The following PDXDC1 variants were observed in gnomAD, a reference collection of about 807,000 sequenced individuals.
PDXDC1 encodes the protein pyridoxal-dependent decarboxylase domain-containing protein 1.
A neutral mutation model predicts 100.1 loss-of-function variants in PDXDC1; 42 were observed. The observed-to-expected ratio is 0.42, with a 90% CI of 0.33 to 0.54. The LOEUF (loss-of-function observed/expected upper bound fraction) is 0.54. PDXDC1 is among the 20% of genes least tolerant of loss of function. PDXDC1 has a pLI of 0.10. For missense variants in PDXDC1, 636 were observed against 979.2 expected (o/e 0.65, Z 4.68); for synonymous variants, 260 against 371.7 (o/e 0.70, Z 3.46).
intron 14 of PDXDC1, among the ~76,000 whole-genome samples, chr16:15,028,330 C>G (rs2042783801): frequency 6.6e-6 from 1 of 152,300 alleles, no homozygotes; most frequent in Admixed American, 6.5e-5. Context: ...CCTCAGCCTT[C>G]CCTGCCTATC....
At chr16:15,079,588 TTTC>T (rs767234234) in intron 16 of PDXDC1, among the ~76,000 whole-genome samples, 29 of 118,462 alleles carry the variant, frequency 2.4e-4, no homozygotes, top group Admixed American at 5.3e-4. Flanking sequence ...GTGCTAGTGG[TTTC>T]TTTTCTTTTT....
intron 16 of PDXDC1, chr16:15,047,364 T>G (rs2044116815): frequency 1.0e-5 from 10 of 955,640 alleles, no homozygotes; most frequent in Non-Finnish European, 1.7e-5. Context: ...TGTGTTCCCC[T>G]AACAGCTTCC....
chr16:15,145,156 G>A, the PDXDC1 span, among the ~76,000 whole-genome samples: 112 of 152,328 alleles, frequency 7.4e-4, no homozygotes, highest in African/African-American at 1.7e-3. Flanking sequence ...GTCAATGGAG[G>A]AAGCCAAGGT....
At chr16:15,025,422 T>C (rs1187942734) in intron 13 of PDXDC1, 2 of 152,676 alleles carry the variant, frequency 1.3e-5, no homozygotes, top group Non-Finnish European at 2.9e-5. Flanking sequence ...ACCGCCCCCC[T>C]GCCGCCCGCC....
At chr16:15,044,175 T>G (rs1484402319) in intron 16 of PDXDC1, among the ~76,000 whole-genome samples, 1 of 152,172 alleles carries the variant, frequency 6.6e-6, no homozygotes, top group East Asian at 1.9e-4. Flanking sequence ...ACGCATTCAG[T>G]CTTTCTGTGA....
chr16:15,148,224 T>C, the PDXDC1 span, among the ~76,000 whole-genome samples: 1 of 151,836 alleles, frequency 6.6e-6, no homozygotes, highest in Non-Finnish European at 1.5e-5. Context: ...CCTAAAGTGC[T>C]GGGATTACAG....
At chr16:15,075,290 G>C (rs2045405276) in intron 16 of PDXDC1, among the ~76,000 whole-genome samples, 2 of 150,844 alleles carry the variant, frequency 1.3e-5, no homozygotes, top group Non-Finnish European at 2.9e-5. Flanking sequence ...CAAAGAAATG[G>C]ACCACGCACA....
At chr16:15,140,537 C>T (rs1221876429), downstream of PDXDC1, among the ~76,000 whole-genome samples, 2 of 151,746 alleles carry the variant, frequency 1.3e-5, no homozygotes, top group South Asian at 2.1e-4. Context: ...AAAGAAAAAC[C>T]AGGCAATTAA....
chr16:15,119,487 C>T (rs2377170), intron 16 of PDXDC1, among the ~76,000 whole-genome samples: 6 of 147,254 alleles, frequency 4.1e-5, no homozygotes, highest in African/African-American at 1.0e-4. Context: ...GGTGCAATCT[C>T]GGCTCGCTGC....
chr16:15,094,100 G>C lies in PDXDC1; in HGVS notation c.1400-44779G>C, dbSNP rs775077542. ...AATCCGCTCCTCTAAGCGCCGTCCT[G>C]AGCTTTCGTCCCAGATACGCAGAAG... On this transcript the variant is annotated intron_variant, in intron 16 of 16. Coordinates refer to the PDXDC1 transcript ENST00000535621. 2.0e-6 allele frequency: 3 copies of C among 1,525,200 alleles called. No individual in the cohort carries two copies. The East Asian group carries it at 7.1e-5, about 36-fold the overall frequency. The allele number at this position is 1,525,200 out of a possible 1,614,324, so 94.5% of individuals were successfully genotyped here.
rs181036893 is a variant in PDXDC1, at chr16:14,998,356, A to G, written c.112A>G (p.Asn38Asp). Residue 38 changes from asparagine (N) to aspartate (D), a missense_variant, in exon 3 of 23, where the codon AAT (asparagine) becomes GAT (aspartate). Asn to Asp is a conservative substitution (Grantham distance 23). Around this residue, in one of 4 missense-constraint regions of PDXDC1, gnomAD observed 125 missense variants for 479.9 expected, o/e 0.26. Transcript: ENST00000396410. ...EDSQRRTEEE[N>D]GKKLISGDIP... Reference sequence around the variant, plus strand: ...TTAAATTAGAAGAACAGAAGAGGAAAATGGAAAGAAGCTCATATCCGGAGA... The same window carrying G: ...TTAAATTAGAAGAACAGAAGAGGAAGATGGAAAGAAGCTCATATCCGGAGA... 2.6e-5 allele frequency: 42 copies of G among 1,613,136 alleles called. No individual in the cohort carries two copies. In the East Asian group the frequency reaches 8.3e-4, roughly 32 times the overall value.
At chr16:14,978,654 C>T (rs1432612340) in intron 1 of PDXDC1, among the ~76,000 whole-genome samples, 3 of 152,304 alleles carry the variant, frequency 2.0e-5, no homozygotes, top group Non-Finnish European at 1.5e-5. Context: ...CTTAGCCTCC[C>T]AAAGTGCTGG....
chr16:15,012,175 C>T (rs1383767741), intron 8 of PDXDC1, among the ~76,000 whole-genome samples: 2 of 152,162 alleles, frequency 1.3e-5, no homozygotes, highest in African/African-American at 2.4e-5. Context: ...GCGATCTTGG[C>T]TCACTGCAAC....
intron 16 of PDXDC1, among the ~76,000 whole-genome samples, chr16:15,114,792 TTGTC>T (rs1296942046): frequency 2.8e-4 from 35 of 126,810 alleles, no homozygotes; most frequent in Non-Finnish European, 1.0e-4. Flanking sequence ...ATGTGGGGTG[TTGTC>T]TTTCTTGGTA....
Position 14,975,171 on chromosome 16 carries a change from C to T in PDXDC1, c.-29C>T. 2.1e-6 allele frequency: 3 copies of T among 1,459,408 alleles called. No individual in the cohort carries two copies. The highest frequency in any genetic ancestry group is 2.9e-5 in the Admixed American group (1 of 34,518). 90.4% of individuals were successfully genotyped at this position (1,459,408 alleles called of 1,614,324 possible). A position where few individuals can be genotyped will look rare whatever the true frequency, so the allele number is the denominator to read the frequency against. Reference sequence around the variant, plus strand: ...CGGGAGGAGGAAGTAGAGCCCGGGACCGCCAGGCCACCACCGGCCGCCTCA... The same window carrying T: ...CGGGAGGAGGAAGTAGAGCCCGGGATCGCCAGGCCACCACCGGCCGCCTCA... On this transcript the variant is annotated 5_prime_UTR_variant, in exon 1 of 23. Coordinates refer to ENST00000396410, the MANE Select transcript of PDXDC1 (RefSeq NM_015027.4).
chr16:15,039,786 A>G (rs1174137925), downstream of PDXDC1, among the ~76,000 whole-genome samples: 1 of 152,126 alleles, frequency 6.6e-6, no homozygotes, highest in Non-Finnish European at 1.5e-5. Flanking sequence ...TGACCTAAAG[A>G]TGTTCATTAC....
chr16:15,071,308 A>G (rs2045217440), intron 16 of PDXDC1: 4 of 1,503,066 alleles, frequency 2.7e-6, no homozygotes, highest in South Asian at 1.3e-5. Context: ...TAATCTGGCT[A>G]TCAAAATCCC....
chr16:15,058,712 CAG>C (rs2044612001), intron 16 of PDXDC1, among the ~76,000 whole-genome samples: 1 of 152,188 alleles, frequency 6.6e-6, no homozygotes, highest in Non-Finnish European at 1.5e-5. Context: ...GCCTGGGTGA[CAG>C]AGTGAGACTC....
At chr16:15,061,870 T>C (rs1025828465) in intron 16 of PDXDC1, 1 of 1,613,410 alleles carries the variant, frequency 6.2e-7, no homozygotes, top group Non-Finnish European at 8.5e-7. Context: ...GCACTTCGCC[T>C]TTCAGAAAGT....
Sources: gnomAD v4.1 joint callset for allele counts (sites outside exome capture counted in the v4.1 genomes callset) on GRCh38, gnomAD v4.1.1 for gene constraint, gnomAD v4.1.1 regional missense constraint, MANE v1.5 for transcripts, NCBI Gene and HGNC (gene_info 2026-07-23, HGNC 2026-07-21) for gene names.